The following MRPL35 variants were observed in gnomAD, a reference collection of about 807,000 sequenced individuals.
The protein encoded by MRPL35 is large ribosomal subunit protein bL35m.
MRPL35 carries 18 observed loss-of-function variants against 21.6 expected under a neutral mutation model. The ratio of observed to expected loss-of-function variants is 0.83; its 90% CI spans 0.58 to 1.24. The LOEUF is 1.24. Among genes scored for constraint, MRPL35 ranks in the 50% most tolerant of loss-of-function variants. The probability of loss-of-function intolerance (pLI) is 0.00; values close to 1 mark genes in which losing one functional copy is unlikely to be tolerated. For missense variants in MRPL35, 223 were observed against 223.2 expected (o/e 1.00, Z 0.01); for synonymous variants, 87 against 86.9 (o/e 1.00, Z -0.01).
rs1673920174 is a variant in MRPL35 at position 86,212,307 on chromosome 2, C to T, written c.*1639C>T. ...TGTTCTAAAACCAGAAGTCCAAGTG[C>T]GTGTCTACTTATGGGACCAATAAAT... On this transcript the variant is annotated 3_prime_UTR_variant, in exon 4 of 4. Transcript: ENST00000337109. 8.3e-6 allele frequency: 13 copies of T among 1,558,326 alleles called. No individual in the cohort carries two copies. The highest frequency in any genetic ancestry group is 2.7e-5 in the African/African-American group (2 of 72,990).
intron 3 of MRPL35, among the ~76,000 whole-genome samples, chr2:86,209,465 T>C (rs980435751): frequency 9.9e-5 from 15 of 152,230 alleles, no homozygotes; most frequent in African/African-American, 3.6e-4. Flanking sequence ...GCTATGATTA[T>C]AGTTTTTATA....
Position 86,210,644 on chromosome 2 carries a change from T to C in MRPL35, c.543T>C (p.His181=), listed in dbSNP as rs1462544533. 1.9e-6 allele frequency: 3 copies of C among 1,611,926 alleles called. No homozygotes were observed. The highest frequency in any genetic ancestry group is 1.7e-6 in the Non-Finnish European group (2 of 1,179,180). ...TTGATGATCCTTATCAGAAGTATCA[T>C]GATCGAACAAACCTGAAAGTATAGA... ...WYVDDPYQKY[H]DRTNLKV The change falls in exon 4 of 4, where the codon CAT becomes CAC. Residue 181 remains histidine (H), a synonymous_variant. Transcript: ENST00000337109.
rs1333869875 is a variant in MRPL35 at position 86,212,288 on chromosome 2, A to C, written c.*1620A>C. ...AGAAAGGATAACAATAGAATGTTCTAAAACCAGAAGTCCAAGTGCGTGTCT... is the reference window on the plus strand; with the variant it reads ...AGAAAGGATAACAATAGAATGTTCTCAAACCAGAAGTCCAAGTGCGTGTCT... On this transcript the variant is annotated 3_prime_UTR_variant, in exon 4 of 4. Transcript: ENST00000337109. 6.7e-7 allele frequency: 1 copy of C among 1,495,236 alleles called. No individual in the cohort carries two copies. The highest frequency in any genetic ancestry group is 1.4e-5 in the African/African-American group (1 of 71,066). The allele number at this position is 1,495,236 out of a possible 1,614,324, so 92.6% of individuals were successfully genotyped here. A position where few individuals can be genotyped will look rare whatever the true frequency, so the allele number is the denominator to read the frequency against.
At chr2:86,206,031 G>A in intron 1 of MRPL35, 75 bp from the exon 2 acceptor site, 1 of 1,287,196 alleles carries the variant, frequency 7.8e-7, no homozygotes, top group Non-Finnish European at 1.1e-6. Context: ...CTTGGTGGCA[G>A]TGATACATCT....
At chr2:86,202,138 CAT>C (rs1192359269) in intron 1 of MRPL35, among the ~76,000 whole-genome samples, 1 of 152,220 alleles carries the variant, frequency 6.6e-6, no homozygotes, top group Non-Finnish European at 1.5e-5. Flanking sequence ...GGCTTAATCA[CAT>C]GATTGATCCA....
rs1673781654 is a variant in MRPL35 at position 86,206,025 on chromosome 2, G to A, written c.44-81G>A. 7 of 1,208,342 alleles carry A rather than the reference G, an allele frequency of 5.8e-6. 1 individual carries two copies. In the South Asian group the frequency reaches 1.0e-4, roughly 17 times the overall value. The allele number at this position is 1,208,342 out of a possible 1,614,324, so 74.9% of individuals were successfully genotyped here. On this transcript the variant is annotated intron_variant, in intron 1 of 3. Coordinates refer to ENST00000337109, the MANE Select transcript of MRPL35 (RefSeq NM_016622.4). ...GCACGTTAATTATGTTTAATACTTG[G>A]TGGCAGTGATACATCTCTTAATTTT...
In MRPL35 at chr2:86,212,392, T is replaced by G. The variant is rs753587594; in HGVS notation, c.*1724T>G. On this transcript the variant is annotated 3_prime_UTR_variant, in exon 4 of 4. Transcript: ENST00000337109. ...GCCTGAAACATGGAATGGCATTCTG[T>G]TTTGATGGATTTTCATTTCTTCGCA... 1.9e-6 allele frequency: 3 copies of G among 1,613,646 alleles called. No individual in the cohort carries two copies. The South Asian group carries it at 3.3e-5, about 18-fold the overall frequency.
intron 2 of MRPL35, 71 bp downstream of exon 2, chr2:86,206,366 T>C (rs1057224863): frequency 5.7e-6 from 8 of 1,415,472 alleles, no homozygotes; most frequent in East Asian, 2.3e-5. Flanking sequence ...GGAGTCTCAC[T>C]CTGTTGCCCA....
chr2:86,209,331 T>G (rs1329328016), intron 3 of MRPL35, among the ~76,000 whole-genome samples: 2 of 152,232 alleles, frequency 1.3e-5, no homozygotes, highest in African/African-American at 4.8e-5. Flanking sequence ...AGCCATGGTT[T>G]TGTTCAGTTG....
chr2:86,208,080 T>C (rs1673837277), intron 3 of MRPL35, among the ~76,000 whole-genome samples: 1 of 152,192 alleles, frequency 6.6e-6, no homozygotes, highest in African/African-American at 2.4e-5. Flanking sequence ...GTTTGAAAGG[T>C]TGAAAGGATT....
chr2:86,206,334 G>GT, intron 2 of MRPL35, 39 bp downstream of exon 2: 1 of 1,546,520 alleles, frequency 6.5e-7, no homozygotes, highest in East Asian at 2.3e-5. Flanking sequence ...TTTGTTTTTT[G>GT]TTTTTTGTTT....
chr2:86,200,454 C>T (rs1333058491), intron 1 of MRPL35, among the ~76,000 whole-genome samples: 1 of 152,136 alleles, frequency 6.6e-6, no homozygotes, highest in Non-Finnish European at 1.5e-5. Flanking sequence ...TCTACTTCCC[C>T]CCCAGATATA....
Position 86,210,889 on chromosome 2 carries a change from A to G in MRPL35, c.*221A>G, listed in dbSNP as rs1673891162. 8.2e-7 allele frequency: 1 copy of G among 1,225,084 alleles called. No homozygotes were observed. Among genetic ancestry groups the G allele is most frequent in the African/African-American group, 1.5e-5 (1 of 65,442 alleles). 75.9% of individuals were successfully genotyped at this position (1,225,084 alleles called of 1,614,324 possible). On this transcript the variant is annotated 3_prime_UTR_variant, in exon 4 of 4. Transcript: ENST00000337109. The stretch of plus-strand genomic sequence containing the variant: ...TTAGAATGGTGCATTATTTTTAACA[A>G]ATGGTATTGGCTTAACTAGTTGTTT...
At chr2:86,209,652 G>T (rs936902548) in intron 3 of MRPL35, among the ~76,000 whole-genome samples, 4 of 152,046 alleles carry the variant, frequency 2.6e-5, no homozygotes, top group Non-Finnish European at 5.9e-5. Context: ...TATAAAAATT[G>T]GTCCCTTGTG....
chr2:86,206,515 T>A (rs964731362), intron 2 of MRPL35, among the ~76,000 whole-genome samples: 2 of 152,016 alleles, frequency 1.3e-5, no homozygotes, highest in Non-Finnish European at 2.9e-5. Flanking sequence ...GCTGGTAGAG[T>A]CTATTTCAAT....
At chr2:86,204,574 C>T (rs1033992994) in intron 1 of MRPL35, among the ~76,000 whole-genome samples, 3 of 152,000 alleles carry the variant, frequency 2.0e-5, no homozygotes, top group Non-Finnish European at 4.4e-5. Context: ...CGGAGCTCCA[C>T]GAGTGATTCC....
At position 86,210,668 on chromosome 2, in the gene MRPL35, G is replaced by C. The variant is rs746061302; in HGVS notation, c.567G>C (p.Ter189TyrextTer24). ...ATGATCGAACAAACCTGAAAGTATA[G>C]ATCAGAAGTTTCACTTGTTTCTCAG... ...KYHDRTNLKV[*>Y] Residue 189 changes from the stop codon to tyrosine (Y), a stop_lost, in exon 4 of 4, where the codon TAG (stop) becomes TAC (tyrosine). Transcript: ENST00000337109. 4.4e-6 allele frequency: 7 copies of C among 1,598,240 alleles called. No homozygotes were observed. The highest frequency in any genetic ancestry group is 1.3e-5 in the African/African-American group (1 of 74,120).
rs1673937573 is a variant in MRPL35, at chr2:86,212,907, T to C, written c.*2239T>C. 2.4e-6 allele frequency: 2 copies of C among 816,842 alleles called. No homozygotes were observed. Among genetic ancestry groups the C allele is most frequent in the South Asian group, 1.1e-4 (2 of 17,762 alleles). 50.6% of individuals were successfully genotyped at this position (816,842 alleles called of 1,614,324 possible). A position where few individuals can be genotyped will look rare whatever the true frequency, so the allele number is the denominator to read the frequency against. ...TGTATAGTTTGTTTATTCAGGTATA[T>C]GTATAATTTATTGAACACCTACTAT... On this transcript the variant is annotated 3_prime_UTR_variant, in exon 4 of 4. Transcript: ENST00000337109.
At position 86,211,145 on chromosome 2, in the gene MRPL35, T is replaced by C; in HGVS notation, c.*477T>C. The C allele has an allele frequency of 4.1e-6, 4 of 986,340 alleles. No individual in the cohort carries two copies. The South Asian group carries it at 1.4e-4, about 35-fold the overall frequency. 61.1% of individuals were successfully genotyped at this position (986,340 alleles called of 1,614,324 possible). On this transcript the variant is annotated 3_prime_UTR_variant, in exon 4 of 4. Coordinates refer to ENST00000337109, the MANE Select transcript of MRPL35 (RefSeq NM_016622.4). ...GGAAGGTGGATGTTTAGGCTTGGGC[T>C]CTGCATGCATGTGACTTGCTTCTTT...
Sources: allele counts gnomAD v4.1 joint callset (sites outside exome capture counted in the v4.1 genomes callset), GRCh38; gene constraint gnomAD v4.1.1; transcripts MANE v1.5; gene names NCBI Gene and HGNC (gene_info 2026-07-23, HGNC 2026-07-21).